Variants in CDC123 observed in about 807,000 individuals in gnomAD.
The protein encoded by CDC123 is translation initiation factor eIF2 assembly protein.
CDC123 carries 37 observed loss-of-function variants against 54.4 expected under a neutral mutation model. The ratio of observed to expected loss-of-function variants is 0.68; its 90% CI spans 0.52 to 0.89. The LOEUF (loss-of-function observed/expected upper bound fraction) is 0.89, where lower values mean the gene tolerates loss of function less well. Among genes scored for constraint, CDC123 ranks in the 40% least tolerant of loss-of-function variants. The pLI is 0.00. For missense variants in CDC123, 361 were observed against 412.1 expected (o/e 0.88, Z 1.07); for synonymous variants, 144 against 136.8 (o/e 1.05, Z -0.37).
At chr10:12,222,342 GGGC>G (rs1835748123) in intron 6 of CDC123, among the ~76,000 whole-genome samples, 2 of 152,162 alleles carry the variant, frequency 1.3e-5, no homozygotes. Context: ...ACATGTGGCC[GGGC>G]GCGGTGGCTC....
chr10:12,213,646 G>T (rs1228340606), intron 4 of CDC123, among the ~76,000 whole-genome samples: 2 of 151,824 alleles, frequency 1.3e-5, no homozygotes, highest in African/African-American at 4.8e-5. Flanking sequence ...TGTTAGTTCC[G>T]TGATTTTGAT....
Position 12,246,274 on chromosome 10 carries a change from G to C in CDC123, c.843G>C (p.Glu281Asp). ...NGDFSEVDAQ[E>D]QDSPAFRCTN... ...ATTTTAGTGAAGTTGACGCTCAAGA[G>C]CAGGTACAACATTTTTAAGACAGAT... The change falls in exon 11 of 13, where the codon GAG becomes GAC. Residue 281 changes from glutamate (E) to aspartate (D), a missense_variant. Glu to Asp is a conservative substitution (Grantham distance 45). Coordinates refer to ENST00000281141, the MANE Select transcript of CDC123 (RefSeq NM_006023.3). The C allele has an allele frequency of 6.2e-7, 1 of 1,614,110 alleles. No individual in the cohort carries two copies. The highest frequency in any genetic ancestry group is 8.5e-7 in the Non-Finnish European group (1 of 1,179,994).
chr10:12,224,924 C>CT (rs1835786612), intron 6 of CDC123, among the ~76,000 whole-genome samples: 1 of 152,098 alleles, frequency 6.6e-6, no homozygotes, highest in South Asian at 2.1e-4. Flanking sequence ...GAAGGCTATG[C>CT]TTGGGGTCCG....
rs575328959 is a variant in CDC123 at position 12,230,422 on chromosome 10, A to G, written c.441-526A>G. ...TGGCCAGGCTGGTGTCAAACTCCTG[A>G]CCTCAAGTGATCCACCTGCCTTGGC... On this transcript the variant is annotated intron_variant, in intron 6 of 12. Coordinates refer to ENST00000281141, the MANE Select transcript of CDC123 (RefSeq NM_006023.3). Among the ~76,000 whole-genome samples the G allele has an allele frequency of 2.0e-5, 3 of 152,224 alleles. No individual in the cohort carries two copies. In the South Asian group the frequency reaches 6.2e-4, roughly 32 times the overall value.
intron 2 of CDC123, among the ~76,000 whole-genome samples, chr10:12,207,971 A>G (rs766893089): frequency 3.9e-4 from 60 of 152,158 alleles, no homozygotes; most frequent in Non-Finnish European, 7.3e-4. Flanking sequence ...TCCATGTTCC[A>G]GGATAACTCT....
chr10:12,200,120 ATTTTTTTT>A (rs543337462), intron 2 of CDC123, among the ~76,000 whole-genome samples: 11 of 59,368 alleles, frequency 1.9e-4, no homozygotes, highest in African/African-American at 4.8e-4. Flanking sequence ...CGCACTCGGC[ATTTTTTTT>A]TTTTTTTTTT....
intron 6 of CDC123, among the ~76,000 whole-genome samples, chr10:12,223,224 T>A (rs1477280533): frequency 6.6e-6 from 1 of 152,130 alleles, no homozygotes; most frequent in Non-Finnish European, 1.5e-5. Flanking sequence ...GCAAAATATT[T>A]GGAACAGCAC....
At chr10:12,216,522 AT>A (rs1835667601) in intron 5 of CDC123, among the ~76,000 whole-genome samples, 1 of 152,122 alleles carries the variant, frequency 6.6e-6, no homozygotes. Flanking sequence ...CATGTACAGA[AT>A]TTAAAATTTC....
At chr10:12,245,976 A>G in intron 10 of CDC123, 173 bp from the exon 11 acceptor site, 3 of 592,960 alleles carry the variant, frequency 5.1e-6, no homozygotes, top group Middle Eastern at 4.7e-4. Context: ...AGGCTGAGGC[A>G]GGAGGATCCT....
chr10:12,208,904 G>A (rs1273270731), intron 2 of CDC123, among the ~76,000 whole-genome samples: 3 of 152,070 alleles, frequency 2.0e-5, no homozygotes, highest in African/African-American at 7.2e-5. Context: ...CTTTGCTGTG[G>A]TTCAGTCTAG....
At chr10:12,238,730 T>C (rs1836012840) in intron 10 of CDC123, among the ~76,000 whole-genome samples, 1 of 151,330 alleles carries the variant, frequency 6.6e-6, no homozygotes, top group Admixed American at 6.6e-5. Flanking sequence ...TAAAAAAAAA[T>C]TAGCCCAGGC....
intron 6 of CDC123, among the ~76,000 whole-genome samples, chr10:12,218,401 G>A (rs546234074): frequency 1.9e-4 from 29 of 151,612 alleles, no homozygotes; most frequent in South Asian, 4.2e-4. Flanking sequence ...CACCACACCC[G>A]GCTAATTTTT....
At position 12,250,589 on chromosome 10, in the gene CDC123, A is replaced by G. The variant is rs1836228003; in HGVS notation, c.*252A>G. On this transcript the variant is annotated 3_prime_UTR_variant, in exon 13 of 13. Coordinates refer to ENST00000281141, the MANE Select transcript of CDC123 (RefSeq NM_006023.3). ...GATAATAAAATGCTTTCTATGAAAT[A>G]CGTTGCTTTTCTACCGAGTCATTAT... 1 of 433,646 alleles carries G rather than the reference A, an allele frequency of 2.3e-6. No individual in the cohort carries two copies. Among genetic ancestry groups the G allele is most frequent in the Admixed American group, 4.3e-5 (1 of 23,006 alleles). The allele number at this position is 433,646 out of a possible 1,614,324, so 26.9% of individuals were successfully genotyped here.
Position 12,233,472 on chromosome 10 carries a change from C to T in CDC123, c.490-1576C>T, listed in dbSNP as rs187410254. On this transcript the variant is annotated intron_variant, in intron 7 of 12. Coordinates refer to ENST00000281141, the MANE Select transcript of CDC123 (RefSeq NM_006023.3). The stretch of plus-strand genomic sequence containing the variant: ...CCTTCTGTGTTTTGTGAAAATCAAC[C>T]ACAGTGTATGTATTACATGCACAAA... Among the ~76,000 whole-genome samples, 488 of 152,234 alleles carry T rather than the reference C, an allele frequency of 3.2e-3. 1 individual carries two copies. The highest frequency in any genetic ancestry group is 0.011 in the African/African-American group (471 of 41,542).
At chr10:12,235,170 A>G (rs1204231116) in intron 8 of CDC123, 47 bp downstream of exon 8, 1 of 1,481,440 alleles carries the variant, frequency 6.8e-7, no homozygotes, top group East Asian at 2.3e-5. Context: ...AGTCATCTTT[A>G]AAAGAAAACA....
intron 2 of CDC123, among the ~76,000 whole-genome samples, chr10:12,201,443 C>T (rs2131730349): frequency 6.6e-6 from 1 of 151,812 alleles, no homozygotes; most frequent in African/African-American, 2.4e-5. Flanking sequence ...TCTTTGGAGC[C>T]TCTGAGATGT....
chr10:12,199,456 T>C (rs1196398327), intron 2 of CDC123, among the ~76,000 whole-genome samples: 1 of 152,166 alleles, frequency 6.6e-6, no homozygotes. Flanking sequence ...CACCTGACAA[T>C]TGTTAATTGT....
At chr10:12,238,563 G>T in intron 10 of CDC123, 78 bp downstream of exon 10, 1 of 1,530,020 alleles carries the variant, frequency 6.5e-7, no homozygotes, top group Non-Finnish European at 8.9e-7. Flanking sequence ...TTTGTTATGT[G>T]TGTGAAGGAT....
At chr10:12,236,911 A>G (rs988101829) in intron 8 of CDC123, among the ~76,000 whole-genome samples, 1 of 151,928 alleles carries the variant, frequency 6.6e-6, no homozygotes, top group Non-Finnish European at 1.5e-5. Context: ...AAAACAAAAC[A>G]AAACAAAACA....
Sources: allele counts gnomAD v4.1 joint callset (sites outside exome capture counted in the v4.1 genomes callset), GRCh38; gene constraint gnomAD v4.1.1; transcripts MANE v1.5; gene names NCBI Gene and HGNC (gene_info 2026-07-23, HGNC 2026-07-21).